The following NRXN1 variants were observed in gnomAD, a reference collection of about 807,000 sequenced individuals.
NRXN1 encodes neurexin 1.
A neutral mutation model predicts 150.9 loss-of-function variants in NRXN1; 39 were observed. The ratio of observed to expected loss-of-function variants is 0.26; its 90% confidence interval spans 0.20 to 0.34. The LOEUF is 0.34. NRXN1 is among the 10% of genes least tolerant of loss of function. The pLI is 1.00. For synonymous variants in NRXN1, 924 were observed against 757.0 expected (o/e 1.22, Z -3.62); for missense variants, 1,815 against 1,949.9 (o/e 0.93, Z 1.30).
At chr2:50,856,922 T>C (rs1241650807) in intron 5 of NRXN1, among the ~76,000 whole-genome samples, 1 of 152,054 alleles carries the variant, frequency 6.6e-6, no homozygotes, top group Non-Finnish European at 1.5e-5. Flanking sequence ...CTCTAGCCTA[T>C]CCTATTCTCA....
At chr2:50,867,982 A>C (rs1677176073) in intron 5 of NRXN1, among the ~76,000 whole-genome samples, 1 of 151,498 alleles carries the variant, frequency 6.6e-6, no homozygotes, top group East Asian at 2.0e-4. Context: ...ACTGTAGAAG[A>C]AATATAATTA....
intron 5 of NRXN1, among the ~76,000 whole-genome samples, chr2:50,751,840 C>T (rs910346097): frequency 2.6e-5 from 4 of 151,986 alleles, no homozygotes; most frequent in African/African-American, 7.2e-5. Context: ...ACAGGTGTCA[C>T]TTCTCCAGGA....
At chr2:50,379,128 A>T (rs760020462) in intron 17 of NRXN1, among the ~76,000 whole-genome samples, 1 of 152,100 alleles carries the variant, frequency 6.6e-6, no homozygotes, top group Non-Finnish European at 1.5e-5. Flanking sequence ...AAAAAAAAAG[A>T]CTGGAAAAGA....
chr2:50,134,448 G>C (rs745949721), intron 18 of NRXN1, among the ~76,000 whole-genome samples: 6 of 152,098 alleles, frequency 3.9e-5, no homozygotes, highest in Non-Finnish European at 8.8e-5. Flanking sequence ...GGCATGCAAT[G>C]GGTCCCGAGG....
chr2:50,203,385 T>C (rs2152835785), intron 18 of NRXN1, among the ~76,000 whole-genome samples: 1 of 152,324 alleles, frequency 6.6e-6, no homozygotes, highest in East Asian at 1.9e-4. Flanking sequence ...AATGTGTTTC[T>C]GTTATTGCTG....
At chr2:50,432,683 G>T (rs1572950903) in intron 17 of NRXN1, among the ~76,000 whole-genome samples, 2 of 152,158 alleles carry the variant, frequency 1.3e-5, no homozygotes, top group East Asian at 3.9e-4. Context: ...TTCCTTTCAT[G>T]TCATTTTTTT....
chr2:50,234,975 C>T (rs1488562819), intron 18 of NRXN1, among the ~76,000 whole-genome samples: 1 of 152,052 alleles, frequency 6.6e-6, no homozygotes, highest in Admixed American at 6.6e-5. Flanking sequence ...AATACCTATT[C>T]TTGCAGTCTA....
intron 8 of NRXN1, among the ~76,000 whole-genome samples, chr2:50,556,845 G>A (rs551965082): frequency 6.6e-6 from 1 of 152,042 alleles, no homozygotes; most frequent in African/African-American, 2.4e-5. Context: ...ACCTCTCTCT[G>A]TCTCAGTTTC....
chr2:50,531,487 T>A, intron 10 of NRXN1, 57 bp from the exon 11 acceptor site: 1 of 1,314,436 alleles, frequency 7.6e-7, no homozygotes, highest in Non-Finnish European at 1.1e-6. Flanking sequence ...ATTAATACTT[T>A]AAAGAGGAAA....
chr2:50,257,460 T>G (rs1021959379), intron 17 of NRXN1, among the ~76,000 whole-genome samples: 4 of 152,112 alleles, frequency 2.6e-5, no homozygotes, highest in African/African-American at 9.7e-5. Context: ...TTTTAAATAC[T>G]TTCTCCACCT....
intron 5 of NRXN1, among the ~76,000 whole-genome samples, chr2:50,631,979 A>C (rs1414052015): frequency 6.6e-6 from 1 of 152,038 alleles, no homozygotes; most frequent in African/African-American, 2.4e-5. Context: ...GATTCTCTGC[A>C]AGAAATTTGA....
intron 8 of NRXN1, among the ~76,000 whole-genome samples, chr2:50,578,866 GCATTGAT>G (rs1421129551): frequency 6.6e-6 from 1 of 151,932 alleles, no homozygotes; most frequent in Non-Finnish European, 1.5e-5. Flanking sequence ...CACTGGAAAG[GCATTGAT>G]GAGAATATTA....
intron 18 of NRXN1, among the ~76,000 whole-genome samples, chr2:50,198,943 A>G (rs1166679945): frequency 6.6e-6 from 1 of 152,128 alleles, no homozygotes; most frequent in Non-Finnish European, 1.5e-5. Context: ...GGTGTATGGC[A>G]TGGCTGACAC....
chr2:50,206,254 CACACACACAA>C (rs2062566534), intron 18 of NRXN1, among the ~76,000 whole-genome samples: 1 of 147,436 alleles, frequency 6.8e-6, no homozygotes, highest in African/African-American at 2.5e-5. Context: ...CACACACACA[CACACACACAA>C]CAATTTTTTT....
intron 17 of NRXN1, among the ~76,000 whole-genome samples, chr2:50,336,264 C>T (rs955223033): frequency 3.3e-5 from 5 of 152,164 alleles, no homozygotes; most frequent in Non-Finnish European, 7.4e-5. Context: ...AGTTAAGAGA[C>T]TCAAACTAGA....
intron 2 of NRXN1, among the ~76,000 whole-genome samples, chr2:50,983,672 G>C (rs1697199951): frequency 6.6e-6 from 1 of 152,034 alleles, no homozygotes; most frequent in African/African-American, 2.4e-5. Context: ...TAGTGAAAAT[G>C]TTTGTAAAAG....
chr2:50,827,659 A>C (rs1670646157), intron 5 of NRXN1, among the ~76,000 whole-genome samples: 1 of 151,854 alleles, frequency 6.6e-6, no homozygotes, highest in African/African-American at 2.4e-5. Context: ...ACAGAGGGGG[A>C]CTTGGCAGGG....
intron 12 of NRXN1, among the ~76,000 whole-genome samples, chr2:50,519,161 ATTAT>A (rs1223974867): frequency 1.3e-5 from 2 of 151,956 alleles, no homozygotes; most frequent in Non-Finnish European, 2.9e-5. Context: ...ACTGTACATG[ATTAT>A]TAATGCATTC....
At chr2:50,865,669 T>G (rs1030637147) in intron 5 of NRXN1, among the ~76,000 whole-genome samples, 2 of 133,098 alleles carry the variant, frequency 1.5e-5, no homozygotes, top group Admixed American at 7.6e-5. Flanking sequence ...TTTTTTTTTT[T>G]TTTTTTTTTT....
Sources: allele counts gnomAD v4.1 joint callset (sites outside exome capture counted in the v4.1 genomes callset), GRCh38; gene constraint gnomAD v4.1.1; transcripts MANE v1.5; gene names NCBI Gene and HGNC (gene_info 2026-07-23, HGNC 2026-07-21).